RPS9: variants seen among roughly 807,000 people sequenced by gnomAD.
RPS9 encodes the protein small ribosomal subunit protein uS4.
RPS9 carries 1 observed loss-of-function variant against 16.9 expected under a neutral mutation model. That is an observed-to-expected ratio of 0.06 (90% confidence interval 0.02 to 0.28). The LOEUF is 0.28. RPS9 is among the 10% of genes least tolerant of loss of function. RPS9 has a pLI of 1.00. For missense variants in RPS9, 137 were observed against 273.2 expected (o/e 0.50, Z 3.51); for synonymous variants, 106 against 110.9 (o/e 0.96, Z 0.28).
chr19:54,205,279 TA>T (rs2077200307), intron 3 of RPS9, among the ~76,000 whole-genome samples: 4 of 151,900 alleles, frequency 2.6e-5, no homozygotes, highest in Admixed American at 2.6e-4. Flanking sequence ...TCCAGAGTAT[TA>T]GCTAGAAGCC....
At chr19:54,201,368 C>T (rs775560547) in intron 2 of RPS9, 87 bp downstream of exon 2, 1 of 1,608,118 alleles carries the variant, frequency 6.2e-7, no homozygotes. Context: ...TCTATCTAGT[C>T]CGTCCCCTAA....
At chr19:54,207,369 A>G in intron 4 of RPS9, 29 bp from the exon 5 acceptor site, 3 of 1,581,468 alleles carry the variant, frequency 1.9e-6, no homozygotes, top group Non-Finnish European at 2.6e-6. Context: ...TTTCTCCTCC[A>G]GTCCACCTCA....
chr19:54,202,938 TC>T (rs2077110729), intron 3 of RPS9: 3 of 967,776 alleles, frequency 3.1e-6, no homozygotes, highest in African/African-American at 1.8e-5. Flanking sequence ...CCTCAAGTGA[TC>T]CATCCACCTC....
intron 3 of RPS9, chr19:54,203,309 G>A: frequency 1.0e-6 from 1 of 985,326 alleles, no homozygotes; most frequent in Non-Finnish European, 1.2e-6. Flanking sequence ...AAGCCATCTA[G>A]CCTAGTCAGG....
At chr19:54,203,906 G>T (rs543539483) in intron 3 of RPS9, among the ~76,000 whole-genome samples, 8 of 152,140 alleles carry the variant, frequency 5.3e-5, no homozygotes, top group African/African-American at 1.7e-4. Context: ...GGTCCTCCCT[G>T]GTTTGCATTT....
intron 3 of RPS9, among the ~76,000 whole-genome samples, chr19:54,205,437 A>G (rs537789981): frequency 1.3e-5 from 2 of 151,786 alleles, no homozygotes; most frequent in East Asian, 1.9e-4. Context: ...TTTGTACAGA[A>G]TAGTAAAATG....
chr19:54,207,571 A>T lies in RPS9; in HGVS notation c.581A>T (p.Asp194Val). Residue 194 changes from aspartate to valine, a missense_variant, in exon 5 of 5, where the codon GAT (aspartate) becomes GTT (valine). Around this residue, in one of 3 missense-constraint regions of RPS9, gnomAD observed 19 missense variants for 18.2 expected, o/e 1.04. Coordinates refer to ENST00000302907, the MANE Select transcript of RPS9 (RefSeq NM_001013.4). Reference sequence around the variant, plus strand: ...GGGGCTGGAGACGACGAGGAGGAGGATTAAGTCCACCTGTCCCTCCTGGGC... The same window carrying T: ...GGGGCTGGAGACGACGAGGAGGAGGTTTAAGTCCACCTGTCCCTCCTGGGC... ...GAGAGDDEEED is the reference protein window; with the variant it reads ...GAGAGDDEEEV 6.2e-7 allele frequency: 1 copy of T among 1,608,060 alleles called. No individual in the cohort carries two copies. The highest frequency in any genetic ancestry group is 1.1e-5 in the South Asian group (1 of 90,592).
At chr19:54,201,914 T>G in intron 3 of RPS9, 3 of 400,680 alleles carry the variant, frequency 7.5e-6, no homozygotes, top group Non-Finnish European at 8.9e-6. Context: ...TGTGGCCTGT[T>G]TGCTAGTGGA....
At chr19:54,206,179 G>A (rs1273259214) in intron 3 of RPS9, 97 bp from the exon 4 acceptor site, 6 of 1,252,676 alleles carry the variant, frequency 4.8e-6, no homozygotes, top group Admixed American at 4.4e-5. Context: ...GTGCCTCACC[G>A]CCGCGGCATG....
chr19:54,207,366 T>C (rs1476038586), intron 4 of RPS9, 32 bp from the exon 5 acceptor site: 1 of 1,577,642 alleles, frequency 6.3e-7, no homozygotes, highest in Non-Finnish European at 8.7e-7. Flanking sequence ...CCGTTTCTCC[T>C]CCAGTCCACC....
At chr19:54,207,113 G>C in intron 4 of RPS9, 1 of 483,000 alleles carries the variant, frequency 2.1e-6, no homozygotes, top group Non-Finnish European at 3.7e-6. Flanking sequence ...GAACTTGGGG[G>C]CTCTCACATG....
At chr19:54,203,006 C>A (rs2077114230) in intron 3 of RPS9, 3 of 983,738 alleles carry the variant, frequency 3.0e-6, no homozygotes, top group Non-Finnish European at 3.6e-6. Flanking sequence ...CCCTTTCATT[C>A]TTTTCGTCAA....
At chr19:54,203,751 A>C (rs1394912655) in intron 3 of RPS9, among the ~76,000 whole-genome samples, 1 of 151,620 alleles carries the variant, frequency 6.6e-6, no homozygotes, top group East Asian at 2.0e-4. Context: ...GGTGACAGCG[A>C]GACACAAAAC....
chr19:54,203,122 T>C (rs11084318), intron 3 of RPS9: 371,472 of 974,288 alleles, frequency 0.38, 74,111 homozygotes, highest in East Asian at 0.43. Flanking sequence ...GAGTGGGCTA[T>C]AGCTGGTTCT....
intron 3 of RPS9, chr19:54,202,246 C>T (rs756753108): frequency 5.1e-5 from 9 of 174,960 alleles, no homozygotes; most frequent in Middle Eastern, 2.7e-3. Flanking sequence ...GTGTAGTTGT[C>T]GCAATCTTGG....
intron 3 of RPS9, among the ~76,000 whole-genome samples, chr19:54,204,215 T>C (rs111736365): frequency 0.1 from 15,489 of 151,866 alleles, 825 homozygotes; most frequent in Middle Eastern, 0.18. Context: ...CCCCTTAGTC[T>C]CTACTGAAAA....
Position 54,207,533 on chromosome 19 carries a change from C to A in RPS9, c.543C>A (p.Gly181=). 6.2e-7 allele frequency: 1 copy of A among 1,612,498 alleles called. No homozygotes were observed. The highest frequency in any genetic ancestry group is 8.5e-7 in the Non-Finnish European group (1 of 1,179,948). ...TGAAGAGGAAGAATGCCAAGAAGGG[C>A]CAGGGTGGGGCTGGGGCTGGAGACG... The part of the protein sequence containing the change: ...GRVKRKNAKK[G]QGGAGAGDDE... Residue 181 remains glycine, a synonymous_variant, in exon 5 of 5, where the codon GGC becomes GGA. Coordinates refer to ENST00000302907, the MANE Select transcript of RPS9 (RefSeq NM_001013.4).
At chr19:54,205,105 T>C (rs967148725) in intron 3 of RPS9, among the ~76,000 whole-genome samples, 9 of 152,116 alleles carry the variant, frequency 5.9e-5, no homozygotes, top group Non-Finnish European at 1.5e-5. Context: ...CTGTAACTAG[T>C]AAGAGCCACT....
At chr19:54,203,164 C>G in intron 3 of RPS9, 1 of 927,430 alleles carries the variant, frequency 1.1e-6, no homozygotes, top group Non-Finnish European at 1.3e-6. Context: ...GACATAGATC[C>G]TAATTGCAAT....
Sources: allele counts gnomAD v4.1 joint callset (sites outside exome capture counted in the v4.1 genomes callset), GRCh38; gene constraint gnomAD v4.1.1; regional missense constraint gnomAD v4.1.1; transcripts MANE v1.5; gene names NCBI Gene and HGNC (gene_info 2026-07-23, HGNC 2026-07-21).